The following NTRK2 variants were observed in gnomAD, a reference collection of about 807,000 sequenced individuals.
The protein encoded by NTRK2 is neurotrophic receptor tyrosine kinase 2.
In NTRK2, 13 loss-of-function variants were observed where a neutral mutation model predicts 94.5. The ratio of observed to expected loss-of-function variants is 0.14; its 90% confidence interval spans 0.09 to 0.22. The LOEUF is 0.22. Among genes scored for constraint, NTRK2 ranks in the 10% least tolerant of loss-of-function variants. NTRK2 has a pLI of 1.00. For missense variants in NTRK2, 639 were observed against 1,071.2 expected, an observed-to-expected ratio of 0.60 and a Z score of 5.63; for synonymous variants, 372 against 407.4, an observed-to-expected ratio of 0.91 and a Z score of 1.05.
At chr9:84,687,075 C>T (rs749337043) in intron 2 of NTRK2, among the ~76,000 whole-genome samples, 3 of 152,116 alleles carry the variant, frequency 2.0e-5, no homozygotes, top group Admixed American at 6.5e-5. Context: ...ATGTATTTGA[C>T]GGGTTTTTTT....
chr9:84,678,280 G>T (rs552812765), intron 2 of NTRK2, among the ~76,000 whole-genome samples: 1 of 152,274 alleles, frequency 6.6e-6, no homozygotes, highest in African/African-American at 2.4e-5. Context: ...AGAAGTACTT[G>T]AGCATTAGTG....
intron 14 of NTRK2, among the ~76,000 whole-genome samples, chr9:84,905,275 G>GGTGT (rs58470162): frequency 8.6e-4 from 127 of 147,956 alleles, no homozygotes; most frequent in African/African-American, 1.7e-3. Flanking sequence ...GGTTTTAGAG[G>GGTGT]GTGTGTGTGT....
chr9:84,811,569 C>G, intron 12 of NTRK2: 1 of 1,065,408 alleles, frequency 9.4e-7, no homozygotes, highest in Non-Finnish European at 1.1e-6. Context: ...CTGAAAAGGC[C>G]TGGGAGCAGA....
chr9:84,854,095 G>GA (rs1336535448), intron 12 of NTRK2, among the ~76,000 whole-genome samples: 2 of 147,756 alleles, frequency 1.4e-5, no homozygotes, highest in Non-Finnish European at 3.0e-5. Flanking sequence ...GAAAAGAAAA[G>GA]AAAAAAGAAA....
At chr9:84,685,851 T>G (rs1400211934) in intron 2 of NTRK2, among the ~76,000 whole-genome samples, 1 of 152,230 alleles carries the variant, frequency 6.6e-6, no homozygotes, top group Non-Finnish European at 1.5e-5. Flanking sequence ...GTAGGTCACT[T>G]AGTATCATCA....
At position 85,022,684 on chromosome 9, in the gene NTRK2, G is replaced by A. The variant is rs192540186; in HGVS notation, c.*1247G>A. The A allele has an allele frequency of 1.1e-3, 247 of 233,170 alleles. No individual in the cohort carries two copies. The Middle Eastern group carries it at 0.011, about 11-fold the overall frequency. 14.4% of individuals were successfully genotyped at this position (233,170 alleles called of 1,614,324 possible). On this transcript the variant is annotated 3_prime_UTR_variant, in exon 19 of 19. Coordinates refer to ENST00000277120, the MANE Select transcript of NTRK2 (RefSeq NM_006180.6). Reference sequence around the variant, plus strand: ...TGCAGACACTACTGCTCCAGACGTCGTTTCCCTGATAGGTAGAGCAGATCC... The same window carrying A: ...TGCAGACACTACTGCTCCAGACGTCATTTCCCTGATAGGTAGAGCAGATCC...
intron 17 of NTRK2, among the ~76,000 whole-genome samples, chr9:85,009,731 G>T (rs1362729252): frequency 6.6e-6 from 1 of 152,074 alleles, no homozygotes; most frequent in Non-Finnish European, 1.5e-5. Flanking sequence ...GATCACAATT[G>T]CTATGTGTTA....
chr9:84,717,315 C>G lies in NTRK2; in HGVS notation c.584-6258C>G, dbSNP rs961673636. Among the ~76,000 whole-genome samples the G allele has an allele frequency of 1.2e-4, 18 of 152,300 alleles. No individual in the cohort carries two copies. The East Asian group carries it at 3.5e-3, about 29-fold the overall frequency. On this transcript the variant is annotated intron_variant, in intron 6 of 18. Coordinates refer to ENST00000277120, the MANE Select transcript of NTRK2 (RefSeq NM_006180.6). The stretch of plus-strand genomic sequence containing the variant: ...AATGTTAGTAAAACCCAACCTTAAC[C>G]CATCTTATTTGTTGCCAAACTGGGT...
intron 14 of NTRK2, among the ~76,000 whole-genome samples, chr9:84,928,934 A>G (rs1304529736): frequency 6.6e-6 from 1 of 152,226 alleles, no homozygotes; most frequent in African/African-American, 2.4e-5. Context: ...TAGATACTGA[A>G]TAAATGTCTC....
chr9:84,940,877 C>T (rs540090966), intron 15 of NTRK2, among the ~76,000 whole-genome samples: 5 of 152,302 alleles, frequency 3.3e-5, no homozygotes, highest in South Asian at 2.1e-4. Flanking sequence ...TCACTTTTCA[C>T]GTCTTCATTA....
intron 17 of NTRK2, among the ~76,000 whole-genome samples, chr9:84,976,880 C>T (rs1258805259): frequency 3.3e-5 from 5 of 152,094 alleles, no homozygotes; most frequent in African/African-American, 9.7e-5. Context: ...TCTATAAATC[C>T]ATATGATTGA....
chr9:84,841,166 G>A (rs931321717), intron 12 of NTRK2, among the ~76,000 whole-genome samples: 11 of 152,250 alleles, frequency 7.2e-5, no homozygotes, highest in Non-Finnish European at 7.3e-5. Flanking sequence ...CCCACCTCTC[G>A]TTTCCAATGG....
At chr9:84,706,549 AGACGGAGTCTTGCTCT>A (rs1490970196) in intron 4 of NTRK2, among the ~76,000 whole-genome samples, 6 of 22,014 alleles carry the variant, frequency 2.7e-4, no homozygotes, top group Admixed American at 5.7e-4. Flanking sequence ...TTTTTTTTTG[AGACGGAGTCTTGCTCT>A]GTCACCCAGG....
At chr9:84,921,718 A>T (rs1320948222) in intron 14 of NTRK2, among the ~76,000 whole-genome samples, 4 of 152,270 alleles carry the variant, frequency 2.6e-5, no homozygotes, top group Non-Finnish European at 4.4e-5. Context: ...AAATAATGCA[A>T]CTCCCAATTC....
At chr9:84,760,294 A>G (rs2065435698) in intron 12 of NTRK2, among the ~76,000 whole-genome samples, 3 of 152,216 alleles carry the variant, frequency 2.0e-5, no homozygotes, top group African/African-American at 7.2e-5. Context: ...TTAGTTTAGT[A>G]TCTGTCTCTT....
chr9:84,766,584 G>A (rs574361992), intron 12 of NTRK2, among the ~76,000 whole-genome samples: 1 of 151,960 alleles, frequency 6.6e-6, no homozygotes. Context: ...TCATACAAGA[G>A]TATGGAGGAA....
intron 14 of NTRK2, among the ~76,000 whole-genome samples, chr9:84,903,196 T>C (rs894587376): frequency 9.9e-5 from 15 of 152,254 alleles, no homozygotes; most frequent in African/African-American, 3.6e-4. Flanking sequence ...TTTCCATCAC[T>C]GCAGAAAGGT....
At chr9:84,935,532 G>A (rs2078184663) in intron 15 of NTRK2, among the ~76,000 whole-genome samples, 1 of 152,164 alleles carries the variant, frequency 6.6e-6, no homozygotes, top group Non-Finnish European at 1.5e-5. Flanking sequence ...GCACTTTGGG[G>A]TGAATAAAGA....
intron 16 of NTRK2, among the ~76,000 whole-genome samples, chr9:84,951,083 G>T (rs138723734): frequency 2.0e-5 from 3 of 152,316 alleles, no homozygotes; most frequent in Admixed American, 6.5e-5. Flanking sequence ...GTATCACATG[G>T]CTGGTGCCGT....
Sources: allele counts gnomAD v4.1 joint callset (sites outside exome capture counted in the v4.1 genomes callset), GRCh38; gene constraint gnomAD v4.1.1; transcripts MANE v1.5; gene names NCBI Gene and HGNC (gene_info 2026-07-23, HGNC 2026-07-21).